TRIM33: variants seen among roughly 807,000 people sequenced by gnomAD.
TRIM33 encodes tripartite motif containing 33, also known as E3 ubiquitin-protein ligase TRIM33.
TRIM33 carries 20 observed loss-of-function variants against 125.4 expected under a neutral mutation model. The ratio of observed to expected loss-of-function variants is 0.16; its 90% CI spans 0.11 to 0.23. The LOEUF is 0.23. TRIM33 is among the 10% of genes least tolerant of loss of function. The probability of loss-of-function intolerance (pLI) is 1.00; values close to 1 mark genes in which losing one functional copy is unlikely to be tolerated. For synonymous variants in TRIM33, 564 were observed against 513.9 expected (o/e 1.10, Z -1.32); for missense variants, 920 against 1,411.4 (o/e 0.65, Z 5.58).
rs1557912284 is a variant in TRIM33 at position 114,510,861 on chromosome 1, CGAG to C, written c.213_215del (p.Ser72del). 19 of 1,469,610 alleles carry C rather than the reference CGAG, an allele frequency of 1.3e-5. No individual in the cohort carries two copies. Among genetic ancestry groups the C allele is most frequent in the Admixed American group, 2.4e-5 (1 of 41,560 alleles). The allele number at this position is 1,469,610 out of a possible 1,614,324, so 91.0% of individuals were successfully genotyped here. ...GAGATGAAGCAGCCTGGGCCGAGCC[CGAG>C]GAGGCCGCGGCCACCCCCCCGTCGT... is the stretch of plus-strand genomic sequence containing the variant. On this transcript the variant is annotated inframe_deletion, in exon 1 of 20. Coordinates refer to ENST00000358465, the MANE Select transcript of TRIM33 (RefSeq NM_015906.4).
At position 114,399,533 on chromosome 1, in the gene TRIM33, G is replaced by A; in HGVS notation, c.3044C>T (p.Ser1015Phe). 2 of 1,612,980 alleles carry A rather than the reference G, an allele frequency of 1.2e-6. No individual in the cohort carries two copies. Among genetic ancestry groups the A allele is most frequent in the South Asian group, 1.1e-5 (1 of 90,996 alleles). The change falls in exon 18 of 20, where the codon TCC becomes TTC. Residue 1015 changes from serine to phenylalanine, a missense_variant. Around this residue, in one of 8 missense-constraint regions of TRIM33, gnomAD observed 122 missense variants for 236.8 expected, o/e 0.52. Transcript: ENST00000358465. ...GTCATCCGGGATTTGGTAGTGTTGGGAATGTTTTTTCTGAAGCTTCTTTTT... is the reference window on the plus strand; with the variant it reads ...GTCATCCGGGATTTGGTAGTGTTGGAAATGTTTTTTCTGAAGCTTCTTTTT... ...TVKKKLQKKH[S>F]QHYQIPDDFV...
intron 1 of TRIM33, among the ~76,000 whole-genome samples, chr1:114,475,353 A>G (rs991545741): frequency 2.6e-5 from 4 of 152,234 alleles, no homozygotes; most frequent in Non-Finnish European, 5.9e-5. Flanking sequence ...CATGCAAAGC[A>G]CATCATAATC....
At chr1:114,451,916 G>A (rs894312806) in intron 4 of TRIM33, among the ~76,000 whole-genome samples, 1 of 152,134 alleles carries the variant, frequency 6.6e-6, no homozygotes, top group Admixed American at 6.5e-5. Context: ...GTTTTAGACT[G>A]TATAAATGGA....
chr1:114,487,870 G>T, intron 1 of TRIM33, among the ~76,000 whole-genome samples: 1 of 127,098 alleles, frequency 7.9e-6, no homozygotes. Flanking sequence ...GCAGTCCGCA[G>T]TCCGGCCTGG....
chr1:114,421,750 C>T, intron 10 of TRIM33, 114 bp from the exon 11 acceptor site: 1 of 956,712 alleles, frequency 1.0e-6, no homozygotes, highest in Non-Finnish European at 1.6e-6. Flanking sequence ...GAAGTGGGCC[C>T]TTTCAAACTT....
intron 1 of TRIM33, among the ~76,000 whole-genome samples, chr1:114,504,600 G>A (rs1652892585): frequency 6.6e-6 from 1 of 152,050 alleles, no homozygotes; most frequent in African/African-American, 2.4e-5. Flanking sequence ...TCAGTGACAC[G>A]GTCACTACCA....
intron 4 of TRIM33, among the ~76,000 whole-genome samples, chr1:114,451,898 A>C (rs923649730): frequency 1.3e-5 from 2 of 152,204 alleles, no homozygotes; most frequent in African/African-American, 4.8e-5. Context: ...AAGAAAAAAC[A>C]AAACACAGTT....
At position 114,394,685 on chromosome 1, in the gene TRIM33, T is replaced by C. The variant is rs1651450217; in HGVS notation, c.*2963A>G. Reference sequence around the variant, plus strand: ...GATCCAATGCCTTATCATTTCTCTGTAGTAATGGTTTGATGTTTCCATATA... The same window carrying C: ...GATCCAATGCCTTATCATTTCTCTGCAGTAATGGTTTGATGTTTCCATATA... On this transcript the variant is annotated 3_prime_UTR_variant, in exon 20 of 20. Coordinates refer to ENST00000358465, the MANE Select transcript of TRIM33 (RefSeq NM_015906.4). The C allele has an allele frequency of 5.0e-6, 1 of 201,300 alleles. No individual in the cohort carries two copies. Among genetic ancestry groups the C allele is most frequent in the Admixed American group, 6.0e-5 (1 of 16,650 alleles). 12.5% of individuals were successfully genotyped at this position (201,300 alleles called of 1,614,324 possible).
intron 5 of TRIM33, 66 bp from the exon 6 acceptor site, chr1:114,430,978 C>T: frequency 1.1e-6 from 1 of 920,564 alleles, no homozygotes; most frequent in East Asian, 2.4e-5. Context: ...TCAACTGTTA[C>T]AGAAATTCAT....
intron 1 of TRIM33, among the ~76,000 whole-genome samples, chr1:114,469,697 T>C (rs1650520986): frequency 6.6e-6 from 1 of 152,178 alleles, no homozygotes; most frequent in South Asian, 2.1e-4. Flanking sequence ...AGAAATTTTA[T>C]AGCAATGGAG....
chr1:114,485,760 T>C lies in TRIM33; in HGVS notation c.527-21372A>G, dbSNP rs74756519. Among the ~76,000 whole-genome samples the C allele has an allele frequency of 6.5e-3, 990 of 152,216 alleles. 8 individuals carry two copies. Among genetic ancestry groups the C allele is most frequent in the Non-Finnish European group, 9.7e-3 (657 of 68,014 alleles). ...ACCTGGCCTTTATGTTATACCTCAGTAGAAAGACTGCTGGAAAAAAATGAA... is the reference window on the plus strand; with the variant it reads ...ACCTGGCCTTTATGTTATACCTCAGCAGAAAGACTGCTGGAAAAAAATGAA... On this transcript the variant is annotated intron_variant, in intron 1 of 19. Coordinates refer to ENST00000358465, the MANE Select transcript of TRIM33 (RefSeq NM_015906.4).
chr1:114,443,313 G>A (rs940150562), intron 4 of TRIM33, among the ~76,000 whole-genome samples: 1 of 152,106 alleles, frequency 6.6e-6, no homozygotes, highest in Admixed American at 6.5e-5. Flanking sequence ...GAACTCAAGA[G>A]GCAGAAGTTG....
intron 11 of TRIM33, among the ~76,000 whole-genome samples, chr1:114,418,794 T>C (rs955423687): frequency 3.9e-5 from 6 of 152,008 alleles, no homozygotes; most frequent in Non-Finnish European, 8.8e-5. Context: ...AGCCCTCCTG[T>C]GGCCCCACCC....
At chr1:114,406,391 G>A (rs894795404) in intron 14 of TRIM33, among the ~76,000 whole-genome samples, 1 of 152,114 alleles carries the variant, frequency 6.6e-6, no homozygotes, top group African/African-American at 2.4e-5. Context: ...CGGTCAGAAA[G>A]AGAAAACAAA....
At chr1:114,402,623 T>A in intron 16 of TRIM33, 137 bp downstream of exon 16, 2 of 1,030,538 alleles carry the variant, frequency 1.9e-6, no homozygotes, top group Non-Finnish European at 2.8e-6. Flanking sequence ...TCAGAAATCA[T>A]CAATATACCA....
intron 4 of TRIM33, among the ~76,000 whole-genome samples, chr1:114,462,104 T>C (rs1362424826): frequency 6.6e-6 from 1 of 152,202 alleles, no homozygotes; most frequent in Non-Finnish European, 1.5e-5. Context: ...TACAGATTAC[T>C]ACAGCCTTTT....
intron 1 of TRIM33, chr1:114,468,350 T>C: frequency 3.3e-6 from 1 of 306,080 alleles, no homozygotes; most frequent in Non-Finnish European, 6.3e-6. Flanking sequence ...GATCCTACTA[T>C]GACCAAGAAG....
chr1:114,457,924 C>T lies in TRIM33; in HGVS notation c.923+5180G>A, dbSNP rs566048536. Among the ~76,000 whole-genome samples, 3 of 152,276 alleles carry T rather than the reference C, an allele frequency of 2.0e-5. No individual in the cohort carries two copies. The South Asian group carries it at 6.2e-4, about 32-fold the overall frequency. ...GGACTGTTTCGTAACTTTGAACAGACAATGAAGAAAGACACTGGTAAAATT... is the reference window on the plus strand; with the variant it reads ...GGACTGTTTCGTAACTTTGAACAGATAATGAAGAAAGACACTGGTAAAATT... On this transcript the variant is annotated intron_variant, in intron 4 of 19. Coordinates refer to ENST00000358465, the MANE Select transcript of TRIM33 (RefSeq NM_015906.4).
intron 13 of TRIM33, 127 bp from the exon 14 acceptor site, chr1:114,407,227 T>C: frequency 1.3e-6 from 1 of 765,838 alleles, no homozygotes; most frequent in Non-Finnish European, 2.0e-6. Context: ...AAGATAAGGA[T>C]ACCTCATAAT....
Sources: gnomAD v4.1 joint callset for allele counts (sites outside exome capture counted in the v4.1 genomes callset) on GRCh38, gnomAD v4.1.1 for gene constraint, gnomAD v4.1.1 regional missense constraint, MANE v1.5 for transcripts, NCBI Gene and HGNC (gene_info 2026-07-23, HGNC 2026-07-21) for gene names.